Variants in SUMF2 observed in about 807,000 individuals in gnomAD.
SUMF2 encodes inactive C-alpha-formylglycine-generating enzyme 2.
Under a neutral mutation model 44.8 loss-of-function variants are expected in SUMF2, and 45 were observed. The ratio of observed to expected loss-of-function variants is 1.00; its 90% CI spans 0.79 to 1.29. The LOEUF is 1.29. Ranked by LOEUF, SUMF2 falls within the 50% of genes most tolerant of loss-of-function variation. The pLI is 0.00. For synonymous variants in SUMF2, 148 were observed against 150.4 expected (o/e 0.98, Z 0.12); for missense variants, 418 against 389.9 (o/e 1.07, Z -0.61).
Position 56,078,569 on chromosome 7 carries a change from C to T in SUMF2, c.821+61C>T, listed in dbSNP as rs547039705. The T allele has an allele frequency of 2.7e-3, 4,026 of 1,482,752 alleles. 17 individuals are homozygous for T. Among genetic ancestry groups the T allele is most frequent in the Admixed American group, 4.9e-3 (203 of 41,434 alleles). 91.8% of individuals were successfully genotyped at this position (1,482,752 alleles called of 1,614,324 possible). A position where few individuals can be genotyped will look rare whatever the true frequency, so the allele number is the denominator to read the frequency against. ...TAGCTGGGGGCTGATGTCTGAATCC[C>T]GGTCCCAGAGTGTCCCTACCTTCAC... is the stretch of plus-strand genomic sequence containing the variant. On this transcript the variant is annotated intron_variant, in intron 8 of 8. Coordinates refer to ENST00000434526, the MANE Select transcript of SUMF2 (RefSeq NM_015411.4).
the SUMF2 span, among the ~76,000 whole-genome samples, chr7:56,086,257 A>G: frequency 2.6e-5 from 4 of 152,062 alleles, no homozygotes; most frequent in African/African-American, 9.7e-5. Flanking sequence ...GGATGCCTGA[A>G]ACCATGGATA....
At chr7:56,081,993 C>T (rs1562876699), downstream of SUMF2, 4 of 1,613,852 alleles carry the variant, frequency 2.5e-6, no homozygotes, top group Admixed American at 3.3e-5. This position sits in a 1 kb window ranked among gnomAD's most constrained non-coding sequence, Gnocchi z 4.6. Context: ...CTTCCGGTGC[C>T]AGAAGGGCGG....
At chr7:56,077,005 CATAAGCTGGTAA>C in intron 6 of SUMF2, 116 bp downstream of exon 6, 1 of 821,962 alleles carries the variant, frequency 1.2e-6, no homozygotes, top group Non-Finnish European at 1.9e-6. Flanking sequence ...ACTGATGACT[CATAAGCTGGTAA>C]AGCAAAAGAC....
At chr7:56,068,160 A>T (rs1275327453) in intron 1 of SUMF2, among the ~76,000 whole-genome samples, 3 of 150,824 alleles carry the variant, frequency 2.0e-5, no homozygotes, top group Non-Finnish European at 1.5e-5. Flanking sequence ...CAGCCTCCCA[A>T]GTAGCTGGGA....
chr7:56,083,197 G>A, downstream of SUMF2: 3 of 1,291,640 alleles, frequency 2.3e-6, no homozygotes, highest in South Asian at 3.9e-5. Flanking sequence ...AGTTAGGGGA[G>A]AAACCCAGAC....
downstream of SUMF2, chr7:56,082,400 C>T (rs564356851): frequency 5.6e-5 from 34 of 603,698 alleles, no homozygotes; most frequent in Non-Finnish European, 9.3e-5. Context: ...CGAGACCAGC[C>T]TGGCCAACAT....
downstream of SUMF2, chr7:56,084,176 G>C (rs1378020322): frequency 1.3e-6 from 2 of 1,533,792 alleles, no homozygotes; most frequent in African/African-American, 2.7e-5. Context: ...CCTGAAGTTG[G>C]TGGACTTGGG....
chr7:56,081,370 C>T (rs1229189507), downstream of SUMF2: 83 of 1,521,154 alleles, frequency 5.5e-5, 1 homozygote, highest in South Asian at 3.7e-4. The surrounding 1 kb of genome is among the most constrained non-coding windows in gnomAD (Gnocchi z 4.6). Flanking sequence ...AGCACAGGGA[C>T]GCTCTGGGCT....
chr7:56,065,084 A>C (rs1322360608), intron 1 of SUMF2, among the ~76,000 whole-genome samples: 4 of 144,492 alleles, frequency 2.8e-5, no homozygotes, highest in African/African-American at 5.1e-5. Flanking sequence ...CCCAGCTACT[A>C]GGGAGGCTGA....
At chr7:56,081,988 G>T (rs1315681709), downstream of SUMF2, 1 of 1,613,796 alleles carries the variant, frequency 6.2e-7, no homozygotes, top group Admixed American at 1.7e-5. The surrounding 1 kb of genome is among the most constrained non-coding windows in gnomAD (Gnocchi z 4.6). Context: ...ATCTGCTTCC[G>T]GTGCCAGAAG....
downstream of SUMF2, chr7:56,081,335 C>T: frequency 6.3e-7 from 1 of 1,576,120 alleles, no homozygotes; most frequent in Non-Finnish European, 8.6e-7. The surrounding 1 kb of genome is among the most constrained non-coding windows in gnomAD (Gnocchi z 4.6). Context: ...GCTGCAGCCC[C>T]CGCCCTGCCA....
At chr7:56,081,250 C>T (rs371433601), downstream of SUMF2, 109 of 1,612,982 alleles carry the variant, frequency 6.8e-5, no homozygotes, top group Middle Eastern at 3.3e-4. This position sits in a 1 kb window ranked among gnomAD's most constrained non-coding sequence, Gnocchi z 4.6. Flanking sequence ...CTTCACCCGG[C>T]GGTACTGGTA....
chr7:56,074,566 C>T lies in SUMF2; in HGVS notation c.385-20C>T. ...TTAATGCGCTCCCGGAAGCCTGTCT[C>T]ACTTAATCCTGGCTGTCAGCCTGCA... On this transcript the variant is annotated intron_variant, in intron 4 of 8. Transcript: ENST00000434526. 2 of 1,613,378 alleles carry T rather than the reference C, an allele frequency of 1.2e-6. No individual in the cohort carries two copies. Among genetic ancestry groups the T allele is most frequent in the Non-Finnish European group, 1.7e-6 (2 of 1,179,466 alleles).
Position 56,073,011 on chromosome 7 carries a change from A to G in SUMF2, c.239A>G (p.Glu80Gly). The G allele has an allele frequency of 6.2e-7, 1 of 1,613,930 alleles. No homozygotes were observed. The highest frequency in any genetic ancestry group is 8.5e-7 in the Non-Finnish European group (1 of 1,179,862). Residue 80 changes from glutamate (E) to glycine (G), a missense_variant, in exon 3 of 9, where the codon GAG becomes GGG. By Grantham distance (98) the Glu-to-Gly change is moderately conservative (BLOSUM62 -2). Transcript: ENST00000434526. ...TNKDFRDFVR[E>G]KKYRTEAEMF... ...TGTCTTTATAGGGATTTTGTCAGGGAGAAAAAGTATCGGACAGAAGCTGAG... is the reference window on the plus strand; with the variant it reads ...TGTCTTTATAGGGATTTTGTCAGGGGGAAAAAGTATCGGACAGAAGCTGAG...
intron 1 of SUMF2, 69 bp downstream of exon 1, chr7:56,064,447 G>A: frequency 1.9e-6 from 3 of 1,543,226 alleles, no homozygotes; most frequent in Non-Finnish European, 2.6e-6. Context: ...TGACGGGAGA[G>A]AGCCTTAGGC....
downstream of SUMF2, chr7:56,081,361 G>A (rs1404687986): frequency 6.5e-7 from 1 of 1,540,662 alleles, no homozygotes; most frequent in African/African-American, 1.4e-5. This position sits in a 1 kb window ranked among gnomAD's most constrained non-coding sequence, Gnocchi z 4.6. Context: ...TGCCCCTCCA[G>A]CACAGGGACG....
chr7:56,084,948 A>T (rs1796191813), downstream of SUMF2, among the ~76,000 whole-genome samples: 1 of 151,936 alleles, frequency 6.6e-6, no homozygotes, highest in South Asian at 2.1e-4. Flanking sequence ...AGAGCAGTCG[A>T]GACAGCTGCA....
At chr7:56,071,216 G>T (rs549267979) in intron 2 of SUMF2, among the ~76,000 whole-genome samples, 14 of 152,180 alleles carry the variant, frequency 9.2e-5, no homozygotes, top group African/African-American at 2.6e-4. Context: ...AATTAGCTAG[G>T]CATGGTGGCA....
At chr7:56,078,965 C>A in intron 8 of SUMF2, 1 of 610,920 alleles carries the variant, frequency 1.6e-6, no homozygotes, top group Non-Finnish European at 3.0e-6. Flanking sequence ...GGCACAGTCT[C>A]AGCTCACTAC....
Sources: gnomAD v4.1 joint callset for allele counts (sites outside exome capture counted in the v4.1 genomes callset) on GRCh38, gnomAD v4.1.1 for gene constraint, Gnocchi (gnomAD v3.1) non-coding constraint, MANE v1.5 for transcripts, NCBI Gene and HGNC (gene_info 2026-07-23, HGNC 2026-07-21) for gene names.